Variants in ADA observed in about 807,000 individuals in gnomAD.
The protein encoded by ADA is adenosine aminohydrolase.
A neutral mutation model predicts 49.0 loss-of-function variants in ADA; 45 were observed. The ratio of observed to expected loss-of-function variants is 0.92; its 90% CI spans 0.72 to 1.18. The LOEUF is 1.18. Among genes scored for constraint, ADA ranks in the 50% most tolerant of loss-of-function variants. The pLI, the probability that ADA is intolerant of heterozygous loss-of-function variation, is 0.00. For missense variants in ADA, 445 were observed against 472.5 expected, an observed-to-expected ratio of 0.94 and a Z score of 0.54; for synonymous variants, 173 against 184.2, an observed-to-expected ratio of 0.94 and a Z score of 0.49.
intron 4 of ADA, 88 bp downstream of exon 4, chr20:44,626,368 G>C (rs933933572): frequency 3.8e-6 from 6 of 1,588,842 alleles, no homozygotes; most frequent in African/African-American, 2.7e-5. Context: ...GCTTGGGTCA[G>C]GGATTCCCAG....
In ADA at chr20:44,651,565, G is replaced by A; in HGVS notation, c.33+10C>T. 6.5e-7 allele frequency: 1 copy of A among 1,535,462 alleles called. No homozygotes were observed. Among genetic ancestry groups the A allele is most frequent in the Non-Finnish European group, 8.7e-7 (1 of 1,147,614 alleles). ...GGACCCCCGTCCCCGGAGCCCCCGC[G>A]CGCGCTCACTTTGGGCTTGTCGAAG... is the stretch of plus-strand genomic sequence containing the variant. On this transcript the variant is annotated intron_variant, in intron 1 of 11. Coordinates refer to ENST00000372874, the MANE Select transcript of ADA (RefSeq NM_000022.4).
intron 1 of ADA, among the ~76,000 whole-genome samples, chr20:44,651,214 A>G (rs745618905): frequency 1.4e-4 from 21 of 152,172 alleles, no homozygotes; most frequent in Non-Finnish European, 2.8e-4. Flanking sequence ...CTAGGTGCCT[A>G]TCCGGCGTAG....
intron 2 of ADA, among the ~76,000 whole-genome samples, chr20:44,630,595 G>A (rs1431016906): frequency 6.6e-6 from 1 of 152,170 alleles, no homozygotes; most frequent in East Asian, 1.9e-4. Flanking sequence ...AAAAGAACTG[G>A]AAGCTAAAAG....
At chr20:44,644,167 A>T (rs2065565829) in intron 1 of ADA, among the ~76,000 whole-genome samples, 1 of 1,152 alleles carries the variant, frequency 8.7e-4, no homozygotes, top group Non-Finnish European at 1.8e-3. Context: ...TTGGAGGTAG[A>T]CGCCCTGCTC....
intron 1 of ADA, among the ~76,000 whole-genome samples, chr20:44,643,048 A>T (rs2065552942): frequency 6.6e-6 from 1 of 152,166 alleles, no homozygotes; most frequent in African/African-American, 2.4e-5. Context: ...AAGCTCAGGC[A>T]GGCCTCCTAC....
At chr20:44,640,778 C>T (rs561292334) in intron 1 of ADA, among the ~76,000 whole-genome samples, 1 of 152,000 alleles carries the variant, frequency 6.6e-6, no homozygotes, top group South Asian at 2.1e-4. Flanking sequence ...CACATGTATC[C>T]TTATAAGACA....
At chr20:44,627,118 G>A (rs2065390196) in intron 3 of ADA, among the ~76,000 whole-genome samples, 1 of 151,176 alleles carries the variant, frequency 6.6e-6, no homozygotes. Context: ...CGTCTCTCCC[G>A]CTCCCCTGGT....
At chr20:44,651,302 A>G (rs1208819837) in intron 1 of ADA, among the ~76,000 whole-genome samples, 1 of 152,178 alleles carries the variant, frequency 6.6e-6, no homozygotes, top group African/African-American at 2.4e-5. Context: ...CAGCGGTGCT[A>G]GGATGCCCAC....
At chr20:44,632,235 G>A (rs889392453) in intron 2 of ADA, among the ~76,000 whole-genome samples, 3 of 152,136 alleles carry the variant, frequency 2.0e-5, no homozygotes, top group African/African-American at 2.4e-5. Flanking sequence ...AGGAAGCCGC[G>A]GGCATTGGAA....
At chr20:44,650,017 G>A (rs551335299) in intron 1 of ADA, among the ~76,000 whole-genome samples, 4 of 152,352 alleles carry the variant, frequency 2.6e-5, no homozygotes, top group Non-Finnish European at 5.9e-5. Flanking sequence ...TTATAGGCGT[G>A]AGCCACTGCA....
intron 1 of ADA, among the ~76,000 whole-genome samples, chr20:44,644,970 C>T (rs2065575406): frequency 6.6e-6 from 1 of 152,156 alleles, no homozygotes; most frequent in African/African-American, 2.4e-5. Context: ...AGTGGGAGGA[C>T]CTTGAGTTAG....
Position 44,629,041 on chromosome 20 carries a change from A to G in ADA, c.218+6T>C. ...CCCTAGGACCTGTGGGTTGGGGGCA[A>G]CTCACGCGATAGCAGGCATGTAGTA... On this transcript the variant is annotated splice_donor_region_variant and intron_variant, in intron 3 of 11. Transcript: ENST00000372874. 2 of 1,614,148 alleles carry G rather than the reference A, an allele frequency of 1.2e-6. No individual in the cohort carries two copies. Among genetic ancestry groups the G allele is most frequent in the Non-Finnish European group, 1.7e-6 (2 of 1,180,028 alleles).
Position 44,620,998 on chromosome 20 carries a change from T to C in ADA, c.975+20A>G. On this transcript the variant is annotated intron_variant, in intron 10 of 11. Transcript: ENST00000372874. ...ACTCCCAAACCCGAGTCAAGGCCAG[T>C]ATGGCTCACACCCACTCACCAGCCT... The C allele has an allele frequency of 6.2e-7, 1 of 1,613,668 alleles. No homozygotes were observed. The highest frequency in any genetic ancestry group is 1.1e-5 in the South Asian group (1 of 91,050).
Position 44,636,062 on chromosome 20 carries a change from T to C in ADA, c.95+165A>G, listed in dbSNP as rs967807. 0.89 allele frequency: 623,435 copies of C among 698,078 alleles called. 278,950 individuals carry two copies. The highest frequency in any genetic ancestry group is 1 in the East Asian group (36,569 of 36,606). The allele number at this position is 698,078 out of a possible 1,614,324, so 43.2% of individuals were successfully genotyped here. A position where few individuals can be genotyped will look rare whatever the true frequency, so the allele number is the denominator to read the frequency against. On this transcript the variant is annotated intron_variant, in intron 2 of 11. Transcript: ENST00000372874. ...GGTCTGCGGGTCTCCAGCTCAGTGC[T>C]GAGGCCTCCATGTCCTCACAGTCCC...
At position 44,626,469 on chromosome 20, in the gene ADA, A is replaced by G. The variant is rs771162170; in HGVS notation, c.349T>C (p.Trp117Arg). ...LANSKVEPIP[W>R]NQAEGDLTPD... is the part of the protein sequence containing the mutation. ...CCCATCACTCACTCAGCCTGGTTCC[A>G]GGGGATTGGCTCCACTTTGGAGTTG... Residue 117 changes from tryptophan to arginine, a missense_variant, in exon 4 of 12, where the codon TGG becomes CGG. By Grantham distance (101) the Trp-to-Arg change is moderately radical. Coordinates refer to ENST00000372874, the MANE Select transcript of ADA (RefSeq NM_000022.4). 8.1e-6 allele frequency: 13 copies of G among 1,613,840 alleles called. No individual in the cohort carries two copies. The Admixed American group carries it at 2.2e-4, about 27-fold the overall frequency.
At chr20:44,631,639 C>G (rs1041993920) in intron 2 of ADA, among the ~76,000 whole-genome samples, 2 of 152,206 alleles carry the variant, frequency 1.3e-5, no homozygotes, top group Non-Finnish European at 2.9e-5. Flanking sequence ...CTCCCTCCAG[C>G]CCCCAGAACT....
chr20:44,624,169 G>T, intron 6 of ADA, 33 bp downstream of exon 6: 1 of 1,585,356 alleles, frequency 6.3e-7, no homozygotes. Flanking sequence ...CTCACCCAGG[G>T]CCAGCCTCTC....
At position 44,620,652 on chromosome 20, in the gene ADA, A is replaced by AGG; in HGVS notation, c.976-253_976-252dup. On this transcript the variant is annotated intron_variant, in intron 10 of 11. Coordinates refer to ENST00000372874, the MANE Select transcript of ADA (RefSeq NM_000022.4). ...ACCTTTGAGAGACAGGGTGGCATGT[A>AGG]GGGGGCCAGAGACACCTCGCAGACA... 6 of 587,342 alleles carry AGG rather than the reference A, an allele frequency of 1.0e-5. No individual in the cohort carries two copies. In the South Asian group the frequency reaches 1.2e-4, roughly 11 times the overall value. 36.4% of individuals were successfully genotyped at this position (587,342 alleles called of 1,614,324 possible).
chr20:44,648,076 C>T (rs879505941), intron 1 of ADA, among the ~76,000 whole-genome samples: 16 of 152,108 alleles, frequency 1.1e-4, no homozygotes, highest in Admixed American at 7.9e-4. Context: ...GCACCTGGTA[C>T]CCAGGACTAC....
Sources: gnomAD v4.1 joint callset for allele counts (sites outside exome capture counted in the v4.1 genomes callset) on GRCh38, gnomAD v4.1.1 for gene constraint, MANE v1.5 for transcripts, NCBI Gene and HGNC (gene_info 2026-07-23, HGNC 2026-07-21) for gene names.